The following GPC4 variants were observed in gnomAD, a reference collection of about 807,000 sequenced individuals.
GPC4 encodes the protein glypican-4.
Under a neutral mutation model 35.0 loss-of-function variants are expected in GPC4, and 10 were observed. The observed-to-expected ratio is 0.29, with a 90% CI of 0.18 to 0.48. The LOEUF is 0.48. Among genes scored for constraint, GPC4 ranks in the 20% least tolerant of loss-of-function variants. The probability of loss-of-function intolerance (pLI) is 0.99; values close to 1 mark genes in which losing one functional copy is unlikely to be tolerated. For synonymous variants in GPC4, 167 were observed against 170.2 expected, an observed-to-expected ratio of 0.98 and a Z score of 0.15; for missense variants, 322 against 451.3, an observed-to-expected ratio of 0.71 and a Z score of 2.60.
chrX:133,326,879 T>C (rs959975469), intron 2 of GPC4, among the ~76,000 whole-genome samples: 1 of 112,548 alleles, frequency 8.9e-6, no homozygotes, highest in Non-Finnish European at 1.9e-5. Flanking sequence ...GGACCTTAAA[T>C]GTCATCTGGT....
In GPC4 at chrX:133,302,922, T is replaced by C. The variant is rs1319764734; in HGVS notation, c.1616A>G (p.Tyr539Cys). ...CAAGATGCAGAAGACAGTGAGGAGG[T>C]AGGCCTGTGCCCCAGGACGGACACC... ...SAGVRPGAQAYLLTVFCILFL... is the reference protein window; with the variant it reads ...SAGVRPGAQACLLTVFCILFL... Residue 539 changes from tyrosine to cysteine, a missense_variant, in exon 9 of 9, where the codon TAC becomes TGC. Transcript: ENST00000370828. 2 of 1,211,617 alleles carry C rather than the reference T, an allele frequency of 1.7e-6. No homozygotes were observed. The highest frequency in any genetic ancestry group is 2.2e-5 in the Admixed American group (1 of 46,003).
chrX:133,362,974 A>C (rs2068575668), intron 1 of GPC4, among the ~76,000 whole-genome samples: 2 of 111,542 alleles, frequency 1.8e-5, no homozygotes, highest in Non-Finnish European at 1.9e-5. Flanking sequence ...TTCCTTCTGG[A>C]AAAGCAAATG....
chrX:133,360,089 C>T (rs1360117750), intron 1 of GPC4, among the ~76,000 whole-genome samples: 4 of 110,232 alleles, frequency 3.6e-5, no homozygotes, highest in Non-Finnish European at 7.6e-5. Flanking sequence ...TCTAATAAAC[C>T]AGGACTCTTG....
At chrX:133,336,333 G>A (rs1036645910) in intron 2 of GPC4, among the ~76,000 whole-genome samples, 8 of 111,224 alleles carry the variant, frequency 7.2e-5, no homozygotes, top group African/African-American at 1.3e-4. Flanking sequence ...TCAGGAGTTC[G>A]AGACTAGCCT....
intron 1 of GPC4, among the ~76,000 whole-genome samples, chrX:133,386,986 C>A (rs1038101388): frequency 1.4e-4 from 16 of 111,301 alleles, no homozygotes; most frequent in Non-Finnish European, 9.4e-5. Context: ...AAGTTTCATG[C>A]GACCTGACAT....
intron 1 of GPC4, among the ~76,000 whole-genome samples, chrX:133,360,803 A>C (rs781404646): frequency 8.9e-6 from 1 of 111,843 alleles, no homozygotes; most frequent in African/African-American, 3.2e-5. Context: ...GGGGCCATTT[A>C]GCTTAGGGGC....
chrX:133,324,999 G>A (rs1315462509), intron 2 of GPC4, among the ~76,000 whole-genome samples: 2 of 111,373 alleles, frequency 1.8e-5, no homozygotes, highest in East Asian at 2.8e-4. Context: ...TTCAAAAGTC[G>A]TTATTTTACT....
intron 1 of GPC4, among the ~76,000 whole-genome samples, chrX:133,382,589 C>T (rs751337578): frequency 1.3e-3 from 138 of 108,246 alleles, no homozygotes; most frequent in Non-Finnish European, 2.0e-3. Context: ...ATTAGCCAGG[C>T]GTGGTGGCGG....
chrX:133,382,466 C>T (rs1366374249), intron 1 of GPC4, among the ~76,000 whole-genome samples: 1 of 93,774 alleles, frequency 1.1e-5, no homozygotes, highest in African/African-American at 4.0e-5. Context: ...CAGTGGCTCA[C>T]GCCTGTAATT....
intron 3 of GPC4, among the ~76,000 whole-genome samples, chrX:133,312,677 AAG>A (rs1491016850): frequency 2.3e-5 from 2 of 86,215 alleles, no homozygotes; most frequent in African/African-American, 1.2e-4. Context: ...AAAGGAAAGG[AAG>A]AAAGAAAAAG....
chrX:133,366,618 G>C (rs966892938), intron 1 of GPC4, among the ~76,000 whole-genome samples: 3 of 111,668 alleles, frequency 2.7e-5, no homozygotes, highest in African/African-American at 9.8e-5. Flanking sequence ...TGTGTAGCCA[G>C]GGTAGAAGTA....
At position 133,402,281 on chromosome X, in the gene GPC4, GA is replaced by G. The variant is rs888789856; in HGVS notation, c.160+12524del. On this transcript the variant is annotated intron_variant, in intron 1 of 8. Coordinates refer to ENST00000370828, the MANE Select transcript of GPC4 (RefSeq NM_001448.3). Reference sequence around the variant, plus strand: ...GGTGAAATAGAAACAATAACTGAAGGAAAAAAAAATATTCTGGTGGCTTAAT... The same window carrying G: ...GGTGAAATAGAAACAATAACTGAAGGAAAAAAAATATTCTGGTGGCTTAAT... Among the ~76,000 whole-genome samples, 10 of 110,161 alleles carry G rather than the reference GA, an allele frequency of 9.1e-5. No homozygotes were observed. The South Asian group carries it at 2.7e-3, about 29-fold the overall frequency.
At chrX:133,368,945 C>T (rs1277750750) in intron 1 of GPC4, among the ~76,000 whole-genome samples, 1 of 111,357 alleles carries the variant, frequency 9.0e-6, no homozygotes, top group South Asian at 3.8e-4. Flanking sequence ...CACGCCCGAC[C>T]GAGTAACATT....
intron 1 of GPC4, among the ~76,000 whole-genome samples, chrX:133,353,232 T>A (rs1226138575): frequency 1.8e-5 from 2 of 111,844 alleles, no homozygotes; most frequent in African/African-American, 6.5e-5. Context: ...ATGAAACGGC[T>A]GCATCTTACC....
chrX:133,350,012 T>C (rs1277195544), intron 1 of GPC4, among the ~76,000 whole-genome samples: 1 of 111,745 alleles, frequency 8.9e-6, no homozygotes, highest in African/African-American at 3.3e-5. Context: ...GTCTTTAGCT[T>C]CTCTTAACCC....
In GPC4 at chrX:133,406,991, G is replaced by A. The variant is rs185111282; in HGVS notation, c.160+7815C>T. Among the ~76,000 whole-genome samples, 769 of 107,116 alleles carry A rather than the reference G, an allele frequency of 7.2e-3. 5 individuals are homozygous for A. The highest frequency in any genetic ancestry group is 8.7e-3 in the Non-Finnish European group (453 of 52,060). 93.0% of individuals were successfully genotyped at this position (107,116 alleles called of 115,157 possible). ...CTCGGGAAGCTGAGGCAGAAGGATC[G>A]CTTGAACCCAGGAAGTGGAGGCTGT... On this transcript the variant is annotated intron_variant, in intron 1 of 8. Coordinates refer to ENST00000370828, the MANE Select transcript of GPC4 (RefSeq NM_001448.3).
intron 1 of GPC4, among the ~76,000 whole-genome samples, chrX:133,355,849 C>T (rs2068539523): frequency 9.0e-6 from 1 of 110,628 alleles, no homozygotes; most frequent in Non-Finnish European, 1.9e-5. Flanking sequence ...TGGCACCTCC[C>T]CACTCTTTCT....
At chrX:133,344,184 C>G (rs867444543) in intron 1 of GPC4, among the ~76,000 whole-genome samples, 3 of 50,905 alleles carry the variant, frequency 5.9e-5, no homozygotes, top group South Asian at 1.6e-3. Context: ...TTCTTTCTTT[C>G]TTTCTGGTTT....
At chrX:133,380,762 G>A (rs1025103653) in intron 1 of GPC4, among the ~76,000 whole-genome samples, 2 of 111,842 alleles carry the variant, frequency 1.8e-5, no homozygotes, top group East Asian at 2.8e-4. Flanking sequence ...TCCATAATCC[G>A]TGAGAGGCAA....
Sources: gnomAD v4.1 joint callset for allele counts (sites outside exome capture counted in the v4.1 genomes callset) on GRCh38, gnomAD v4.1.1 for gene constraint, MANE v1.5 for transcripts, NCBI Gene and HGNC (gene_info 2026-07-23, HGNC 2026-07-21) for gene names.